UGT2A1: variants seen among roughly 807,000 people sequenced by gnomAD.
The protein encoded by UGT2A1 is UDP glucuronosyltransferase family 2 member A1 complex locus.
UGT2A1 carries 61 observed loss-of-function variants against 45.4 expected under a neutral mutation model. That is an observed-to-expected ratio of 1.34 (90% CI 1.09 to 1.66). The LOEUF is 1.66. Among genes scored for constraint, UGT2A1 ranks in the 40% most tolerant of loss-of-function variants. UGT2A1 has a pLI of 0.00. For missense variants in UGT2A1, 649 were observed against 574.3 expected (o/e 1.13, Z -1.33); for synonymous variants, 229 against 196.2 (o/e 1.17, Z -1.40).
chr4:69,589,757 C>A, intron 6 of UGT2A1, 106 bp from the exon 7 acceptor site: 2 of 1,447,060 alleles, frequency 1.4e-6, no homozygotes, highest in Non-Finnish European at 9.2e-7. Flanking sequence ...GCCATAGTTA[C>A]GTGGAGAAAA....
At position 69,588,513 on chromosome 4, in the gene UGT2A1, C is replaced by G. The variant is rs757052507; in HGVS notation, c.*859G>C. ...ATTATGAACATTAGTGATTTTTAAG[C>G]ATAATTAATTGATGTTTTATGTAAT... On this transcript the variant is annotated 3_prime_UTR_variant, in exon 7 of 7. Coordinates refer to ENST00000286604, the MANE Select transcript of UGT2A1 (RefSeq NM_001252275.3). 4.6e-5 allele frequency: 7 copies of G among 151,850 alleles called. No homozygotes were observed. The highest frequency in any genetic ancestry group is 7.4e-5 in the Non-Finnish European group (5 of 67,948). 9.4% of individuals were successfully genotyped at this position (151,850 alleles called of 1,614,324 possible).
At chr4:69,590,001 T>G (rs561666135) in intron 6 of UGT2A1, among the ~76,000 whole-genome samples, 9 of 152,318 alleles carry the variant, frequency 5.9e-5, no homozygotes, top group Admixed American at 2.0e-4. Context: ...CCTAATACTG[T>G]GGGATAAAAA....
chr4:69,590,315 A>G (rs2109871331), intron 6 of UGT2A1, among the ~76,000 whole-genome samples: 1 of 152,350 alleles, frequency 6.6e-6, no homozygotes, highest in Admixed American at 6.5e-5. Context: ...TGCCATCACA[A>G]TAGAGATAGT....
At chr4:69,634,553 G>C (rs183779875) in intron 3 of UGT2A1, among the ~76,000 whole-genome samples, 130 of 152,096 alleles carry the variant, frequency 8.5e-4, no homozygotes, top group African/African-American at 2.9e-3. Context: ...GGAAGGTTAA[G>C]AGGCTGTTTT....
chr4:69,632,266 G>A lies in UGT2A1; in HGVS notation c.847+3425C>T, dbSNP rs1168020837. 4.6e-5 allele frequency among the ~76,000 whole-genome samples: 7 copies of A among 152,168 alleles called. No individual in the cohort carries two copies. The South Asian group carries it at 1.2e-3, about 27-fold the overall frequency. ...TGAAGGAAGAGGGAAGGCATAACAT[G>A]TAATGTTACAAAGCTCAAAAGGACT... is the stretch of plus-strand genomic sequence containing the variant. On this transcript the variant is annotated intron_variant, in intron 3 of 6. Transcript: ENST00000286604.
intron 3 of UGT2A1, among the ~76,000 whole-genome samples, chr4:69,618,225 G>T (rs1219996700): frequency 6.6e-6 from 1 of 150,578 alleles, no homozygotes; most frequent in Non-Finnish European, 1.5e-5. Context: ...GTATGTTTGT[G>T]TGTGTGTGTG....
At chr4:69,589,832 G>A (rs1718488308) in intron 6 of UGT2A1, among the ~76,000 whole-genome samples, 181 bp from the exon 7 acceptor site, 2 of 152,138 alleles carry the variant, frequency 1.3e-5, no homozygotes, top group South Asian at 4.1e-4. Flanking sequence ...GGAAGATATG[G>A]ATGAAATATA....
In UGT2A1 at chr4:69,589,267, G is replaced by A. The variant is rs1275886988; in HGVS notation, c.*105C>T. 2 of 1,353,558 alleles carry A rather than the reference G, an allele frequency of 1.5e-6. No homozygotes were observed. Among genetic ancestry groups the A allele is most frequent in the African/African-American group, 2.9e-5 (2 of 68,028 alleles). 83.8% of individuals were successfully genotyped at this position (1,353,558 alleles called of 1,614,324 possible). On this transcript the variant is annotated 3_prime_UTR_variant, in exon 7 of 7. Transcript: ENST00000286604. ...GAAATAGAAAATTTGGAAACAGGATGGGAGACGTGTTTTTGTTAAACTCCT... is the reference window on the plus strand; with the variant it reads ...GAAATAGAAAATTTGGAAACAGGATAGGAGACGTGTTTTTGTTAAACTCCT...
At chr4:69,595,332 A>C (rs1242834021) in intron 4 of UGT2A1, 83 bp from the exon 5 acceptor site, 2 of 1,508,544 alleles carry the variant, frequency 1.3e-6, no homozygotes, top group African/African-American at 2.8e-5. Flanking sequence ...GAAATCATTT[A>C]GCCAGCTACT....
rs202191328 is a variant in UGT2A1, at chr4:69,594,455, T to C, written c.1304+22A>G. 5.8e-5 allele frequency: 94 copies of C among 1,608,284 alleles called. No homozygotes were observed. In the African/African-American group the frequency reaches 1.2e-3, roughly 21 times the overall value. On this transcript the variant is annotated intron_variant, in intron 6 of 6. Coordinates refer to ENST00000286604, the MANE Select transcript of UGT2A1 (RefSeq NM_001252275.3). The stretch of plus-strand genomic sequence containing the variant: ...ATAATGTAATTAAAGTTAGGCAAGT[T>C]TTTAGGAGCCTTAGTACTTACGAAG...
chr4:69,626,443 T>C (rs1721064896), intron 3 of UGT2A1, among the ~76,000 whole-genome samples: 1 of 151,644 alleles, frequency 6.6e-6, no homozygotes, highest in South Asian at 2.1e-4. Flanking sequence ...TTCTAGTTGT[T>C]TTATGACCTG....
chr4:69,634,284 C>T (rs1230710969), intron 3 of UGT2A1, among the ~76,000 whole-genome samples: 1 of 151,708 alleles, frequency 6.6e-6, no homozygotes, highest in Admixed American at 6.6e-5. Context: ...ACAACAACAA[C>T]AACAAAAACC....
intron 3 of UGT2A1, among the ~76,000 whole-genome samples, chr4:69,628,672 C>G (rs1387835591): frequency 1.4e-5 from 2 of 146,716 alleles, no homozygotes; most frequent in Admixed American, 7.0e-5. Context: ...TTAACATAAG[C>G]TTAAATGGGA....
chr4:69,612,787 C>A (rs1720140262), intron 3 of UGT2A1, among the ~76,000 whole-genome samples: 1 of 151,478 alleles, frequency 6.6e-6, no homozygotes, highest in African/African-American at 2.4e-5. Context: ...TTGAAGAAAA[C>A]CTAGGATATT....
chr4:69,605,072 T>C (rs894313944), intron 3 of UGT2A1, among the ~76,000 whole-genome samples: 1 of 136,876 alleles, frequency 7.3e-6, no homozygotes, highest in Admixed American at 7.2e-5. Context: ...CAAGTAGACC[T>C]AATACACATC....
At chr4:69,593,551 T>C (rs1718709590) in intron 6 of UGT2A1, among the ~76,000 whole-genome samples, 1 of 149,268 alleles carries the variant, frequency 6.7e-6, no homozygotes, top group Non-Finnish European at 1.5e-5. Context: ...CTAAGCTATA[T>C]ATATAGACTT....
At chr4:69,615,274 C>T (rs1720311498) in intron 3 of UGT2A1, among the ~76,000 whole-genome samples, 1 of 151,868 alleles carries the variant, frequency 6.6e-6, no homozygotes, top group Non-Finnish European at 1.5e-5. Flanking sequence ...ATTTAAAACC[C>T]GAAACTTTGA....
intron 2 of UGT2A1, among the ~76,000 whole-genome samples, chr4:69,638,231 A>C (rs1187659595): frequency 6.6e-6 from 1 of 152,158 alleles, no homozygotes; most frequent in African/African-American, 2.4e-5. Context: ...GAAGGAAATA[A>C]AAATATAAAG....
In UGT2A1 at chr4:69,628,738, T is replaced by C. The variant is rs192931264; in HGVS notation, c.847+6953A>G. On this transcript the variant is annotated intron_variant, in intron 3 of 6. Coordinates refer to ENST00000286604, the MANE Select transcript of UGT2A1 (RefSeq NM_001252275.3). ...AAATATATGAATGATCTAGAATGCC[T>C]ACTTCTACTTAATACTAAATGTAAA... Among the ~76,000 whole-genome samples the C allele has an allele frequency of 2.5e-4, 37 of 147,922 alleles. No individual in the cohort carries two copies. The East Asian group carries it at 6.9e-3, about 27-fold the overall frequency.
Sources: allele counts gnomAD v4.1 joint callset (sites outside exome capture counted in the v4.1 genomes callset), GRCh38; gene constraint gnomAD v4.1.1; transcripts MANE v1.5; gene names NCBI Gene and HGNC (gene_info 2026-07-23, HGNC 2026-07-21).